The following TMEM132D variants were observed in gnomAD, a reference collection of about 807,000 sequenced individuals.
The protein encoded by TMEM132D is mature OL transmembrane protein.
TMEM132D carries 21 observed loss-of-function variants against 62.3 expected under a neutral mutation model. The observed-to-expected ratio is 0.34, with a 90% CI of 0.24 to 0.49. The LOEUF is 0.49. Among genes scored for constraint, TMEM132D ranks in the 20% least tolerant of loss-of-function variants. The probability of loss-of-function intolerance (pLI) is 0.99; values close to 1 mark genes in which losing one functional copy is unlikely to be tolerated. For synonymous variants in TMEM132D, 621 were observed against 575.6 expected, an observed-to-expected ratio of 1.08 and a Z score of -1.13; for missense variants, 1,346 against 1,402.8, an observed-to-expected ratio of 0.96 and a Z score of 0.65.
At chr12:129,514,105 C>G (rs1302783547) in intron 3 of TMEM132D, among the ~76,000 whole-genome samples, 1 of 151,892 alleles carries the variant, frequency 6.6e-6, no homozygotes, top group Non-Finnish European at 1.5e-5. Context: ...TCCCAAAGTG[C>G]TGGGATTACA....
At position 129,829,895 on chromosome 12, in the gene TMEM132D, G is replaced by A. The variant is rs144135083; in HGVS notation, c.79+73366C>T. 6.2e-3 allele frequency among the ~76,000 whole-genome samples: 948 copies of A among 152,278 alleles called. 25 individuals are homozygous for A. The highest frequency in any genetic ancestry group is 0.047 in the Admixed American group (721 of 15,282). ...CACCCAGGTCAGATCCTGGACTGCT[G>A]CAACCAACTGAATCAAATCTCCAGC... On this transcript the variant is annotated intron_variant, in intron 1 of 8. Transcript: ENST00000422113.
intron 1 of TMEM132D, among the ~76,000 whole-genome samples, chr12:129,819,632 C>T (rs970282542): frequency 1.3e-4 from 20 of 152,062 alleles, no homozygotes; most frequent in East Asian, 1.9e-4. Flanking sequence ...TCTTATGAAA[C>T]GGGGATGAAA....
Position 129,506,989 on chromosome 12 carries a change from C to G in TMEM132D, c.1115+24070G>C, listed in dbSNP as rs149700823. ...AAGGACTAATATCCAGAATCTATAA[C>G]AAACTCAAACAAATTAGCAAGAAAA... On this transcript the variant is annotated intron_variant, in intron 3 of 8. Transcript: ENST00000422113. Among the ~76,000 whole-genome samples, 392 of 151,970 alleles carry G rather than the reference C, an allele frequency of 2.6e-3. 1 individual carries two copies. Among genetic ancestry groups the G allele is most frequent in the African/African-American group, 9.0e-3 (373 of 41,510 alleles).
At chr12:129,830,270 T>C (rs1032999702) in intron 1 of TMEM132D, among the ~76,000 whole-genome samples, 1 of 152,112 alleles carries the variant, frequency 6.6e-6, no homozygotes, top group African/African-American at 2.4e-5. Context: ...AGAGAGACGA[T>C]AGATGACAAC....
At chr12:129,189,927 G>C (rs560044280) in intron 5 of TMEM132D, among the ~76,000 whole-genome samples, 6 of 152,302 alleles carry the variant, frequency 3.9e-5, no homozygotes, top group African/African-American at 1.4e-4. Flanking sequence ...GATTATTCAG[G>C]TGGGGCAGTG....
At chr12:129,737,765 T>C (rs1442777186) in intron 1 of TMEM132D, among the ~76,000 whole-genome samples, 1 of 152,182 alleles carries the variant, frequency 6.6e-6, no homozygotes, top group Non-Finnish European at 1.5e-5. Context: ...GCAAATAAAA[T>C]ACAAAGAGCA....
At chr12:129,658,343 C>T (rs1880149158) in intron 2 of TMEM132D, among the ~76,000 whole-genome samples, 1 of 152,194 alleles carries the variant, frequency 6.6e-6, no homozygotes, top group South Asian at 2.1e-4. Context: ...AAAGCTTCAA[C>T]AAATCCCCTT....
intron 5 of TMEM132D, chr12:129,111,497 C>T (rs2135645001): frequency 6.6e-6 from 1 of 152,332 alleles, no homozygotes; most frequent in Admixed American, 6.5e-5. Flanking sequence ...CGGACTGCTT[C>T]TCATTTGCAC....
At chr12:129,333,298 A>C (rs1869169707) in intron 4 of TMEM132D, among the ~76,000 whole-genome samples, 1 of 152,262 alleles carries the variant, frequency 6.6e-6, no homozygotes, top group South Asian at 2.1e-4. Flanking sequence ...TGAAAAAGGA[A>C]TACAATATTG....
intron 1 of TMEM132D, among the ~76,000 whole-genome samples, chr12:129,848,948 C>T (rs1380357395): frequency 6.6e-6 from 1 of 152,162 alleles, no homozygotes; most frequent in Admixed American, 6.5e-5. Flanking sequence ...ACCCTCTTGC[C>T]TCATCCCAGC....
chr12:129,620,541 G>A lies in TMEM132D; in HGVS notation c.968+79269C>T, dbSNP rs144513134. ...TTGAACCCGGGAGGCGGAGGTTGCA[G>A]TCAGCTAAGATTGGGCCACTGCACT... is the stretch of plus-strand genomic sequence containing the variant. On this transcript the variant is annotated intron_variant, in intron 2 of 8. Coordinates refer to ENST00000422113, the MANE Select transcript of TMEM132D (RefSeq NM_133448.3). Among the ~76,000 whole-genome samples the A allele has an allele frequency of 4.0e-3, 604 of 152,362 alleles. 1 individual carries two copies. Among genetic ancestry groups the A allele is most frequent in the African/African-American group, 0.014 (578 of 41,576 alleles).
intron 1 of TMEM132D, among the ~76,000 whole-genome samples, chr12:129,834,547 A>G (rs1268561540): frequency 1.3e-5 from 2 of 151,168 alleles, no homozygotes; most frequent in Middle Eastern, 3.4e-3. Flanking sequence ...GAGCCTGACC[A>G]TGCACCAGCT....
intron 2 of TMEM132D, among the ~76,000 whole-genome samples, chr12:129,549,187 A>G (rs1876822182): frequency 6.6e-6 from 1 of 150,970 alleles, no homozygotes; most frequent in Non-Finnish European, 1.5e-5. Context: ...GGTAGTGAAT[A>G]AGTCTCATGG....
intron 4 of TMEM132D, among the ~76,000 whole-genome samples, chr12:129,254,184 C>T (rs1275193004): frequency 1.3e-5 from 2 of 152,118 alleles, no homozygotes; most frequent in Non-Finnish European, 2.9e-5. Context: ...TGAAAGAATA[C>T]ATCGGAATCA....
chr12:129,487,503 G>C (rs1183548932), intron 3 of TMEM132D, among the ~76,000 whole-genome samples: 1 of 152,142 alleles, frequency 6.6e-6, no homozygotes, highest in Non-Finnish European at 1.5e-5. Flanking sequence ...CGCTTTGCTA[G>C]GACGGCAGTG....
intron 4 of TMEM132D, among the ~76,000 whole-genome samples, chr12:129,248,745 G>A (rs1880189196): frequency 6.6e-6 from 1 of 152,068 alleles, no homozygotes; most frequent in Admixed American, 6.6e-5. Flanking sequence ...ATCGTCTGCT[G>A]TTCCCCTCTC....
intron 3 of TMEM132D, among the ~76,000 whole-genome samples, chr12:129,392,525 C>A (rs906276536): frequency 6.6e-6 from 1 of 152,306 alleles, no homozygotes; most frequent in South Asian, 2.1e-4. Context: ...ATGCAGCATG[C>A]GCTTGTTGAC....
chr12:129,903,801 G>C lies in TMEM132D; in HGVS notation c.-462C>G, dbSNP rs1270173257. On this transcript the variant is annotated 5_prime_UTR_variant, in exon 1 of 9. Transcript: ENST00000422113. The surrounding 1 kb of genome is among the most constrained non-coding windows in gnomAD (Gnocchi z 6.2). ...TGCGGAGCCCGGGACGCGGGCAGAG[G>C]CGGCTCGGAGCCCCCCGGGCGGGTG... 6.8e-6 allele frequency: 1 copy of C among 147,808 alleles called. No individual in the cohort carries two copies. Among genetic ancestry groups the C allele is most frequent in the Non-Finnish European group, 1.5e-5 (1 of 66,468 alleles). 9.2% of individuals were successfully genotyped at this position (147,808 alleles called of 1,614,324 possible). A position where few individuals can be genotyped will look rare whatever the true frequency, so the allele number is the denominator to read the frequency against.
chr12:129,740,738 T>A (rs1210604735), intron 1 of TMEM132D, among the ~76,000 whole-genome samples: 5 of 151,968 alleles, frequency 3.3e-5, no homozygotes, highest in Admixed American at 2.0e-4. Context: ...TGGTACCTAT[T>A]GAAAAAAAAA....
Sources: gnomAD v4.1 joint callset for allele counts (sites outside exome capture counted in the v4.1 genomes callset) on GRCh38, gnomAD v4.1.1 for gene constraint, Gnocchi (gnomAD v3.1) non-coding constraint, MANE v1.5 for transcripts, NCBI Gene and HGNC (gene_info 2026-07-23, HGNC 2026-07-21) for gene names.